The following VEPH1 variants were observed in gnomAD, a reference collection of about 807,000 sequenced individuals.
The protein encoded by VEPH1 is ventricular zone-expressed PH domain-containing protein homolog 1.
VEPH1 carries 80 observed loss-of-function variants against 85.2 expected under a neutral mutation model. That is an observed-to-expected ratio of 0.94 (90% CI 0.78 to 1.13). VEPH1 has a LOEUF of 1.13. VEPH1 is among the 50% of genes most tolerant of loss of function. The pLI is 0.00. For synonymous variants in VEPH1, 297 were observed against 348.0 expected, an observed-to-expected ratio of 0.85 and a Z score of 1.63; for missense variants, 955 against 980.5, an observed-to-expected ratio of 0.97 and a Z score of 0.35.
chr3:157,343,702 A>G (rs1723865600), intron 9 of VEPH1, among the ~76,000 whole-genome samples: 1 of 152,340 alleles, frequency 6.6e-6, no homozygotes, highest in Admixed American at 6.5e-5. Context: ...CCTGTTACCA[A>G]AGCCTGGCAG....
intron 4 of VEPH1, among the ~76,000 whole-genome samples, chr3:157,446,607 A>G (rs78468335): frequency 0.11 from 16,017 of 152,220 alleles, 1,328 homozygotes; most frequent in South Asian, 0.24. Context: ...TTTCCTGTCA[A>G]ATCTTAGATT....
chr3:157,444,159 G>C (rs1734361185), intron 4 of VEPH1, among the ~76,000 whole-genome samples: 1 of 152,178 alleles, frequency 6.6e-6, no homozygotes, highest in South Asian at 2.1e-4. Context: ...AGGGCTGATA[G>C]AAGGGCCTCA....
chr3:157,295,029 C>T (rs1717952776), intron 11 of VEPH1, among the ~76,000 whole-genome samples: 1 of 152,034 alleles, frequency 6.6e-6, no homozygotes, highest in Admixed American at 6.6e-5. Context: ...GATTTTTGTT[C>T]TCTCCTTTCA....
At position 157,369,188 on chromosome 3, in the gene VEPH1, A is replaced by ACAAAACAAAC. The variant is rs1375949823; in HGVS notation, c.1128-4677_1128-4676insGTTTGTTTTG. Reference sequence around the variant, plus strand: ...AACAACAAAAACCAAATGAAAAAAAAAAAAAAAAAAAAAAAACCTCCTGAG... The same window carrying ACAAAACAAAC: ...AACAACAAAAACCAAATGAAAAAAAACAAAACAAACAAAAAAAAAAAAAAAACCTCCTGAG... On this transcript the variant is annotated intron_variant, in intron 7 of 13. Transcript: ENST00000362010. Among the ~76,000 whole-genome samples, 4 of 143,820 alleles carry ACAAAACAAAC rather than the reference A, an allele frequency of 2.8e-5. No individual in the cohort carries two copies. The East Asian group carries it at 8.2e-4, about 30-fold the overall frequency. The allele number at this position is 143,820 out of a possible 152,430, so 94.4% of individuals were successfully genotyped here.
At chr3:157,476,689 A>G (rs147721309) in intron 2 of VEPH1, among the ~76,000 whole-genome samples, 128 of 152,360 alleles carry the variant, frequency 8.4e-4, no homozygotes, top group Non-Finnish European at 1.2e-3. Flanking sequence ...CAGGTAGAAT[A>G]CATGAGCCCA....
chr3:157,366,364 C>T (rs186750217), intron 7 of VEPH1, among the ~76,000 whole-genome samples: 2 of 151,752 alleles, frequency 1.3e-5, no homozygotes, highest in Non-Finnish European at 2.9e-5. Flanking sequence ...TCCCTAAGGG[C>T]CAAAGTGAAC....
intron 9 of VEPH1, among the ~76,000 whole-genome samples, chr3:157,327,804 T>A (rs1311187159): frequency 1.3e-5 from 2 of 152,166 alleles, no homozygotes; most frequent in Non-Finnish European, 2.9e-5. Flanking sequence ...AAGAACAGAG[T>A]ACGACTTGCC....
intron 5 of VEPH1, among the ~76,000 whole-genome samples, chr3:157,414,688 G>A (rs542034779): frequency 1.3e-5 from 2 of 152,198 alleles, no homozygotes; most frequent in South Asian, 2.1e-4. Context: ...TTATATGAAT[G>A]TAAAGGTGAA....
intron 1 of VEPH1, among the ~76,000 whole-genome samples, chr3:157,501,849 AC>A (rs1740141959): frequency 6.6e-6 from 1 of 152,192 alleles, no homozygotes; most frequent in African/African-American, 2.4e-5. Flanking sequence ...CTGCATCAAA[AC>A]ATTTTCATTT....
chr3:157,366,676 A>C (rs1352594914), intron 7 of VEPH1, among the ~76,000 whole-genome samples: 1 of 152,138 alleles, frequency 6.6e-6, no homozygotes, highest in Admixed American at 6.6e-5. Context: ...CAGAGGTTGC[A>C]GTGAGCAGAG....
chr3:157,413,798 G>T, intron 6 of VEPH1, 83 bp downstream of exon 6: 2 of 1,465,760 alleles, frequency 1.4e-6, no homozygotes, highest in Non-Finnish European at 1.8e-6. Flanking sequence ...AAATTTGCAC[G>T]TCATAATAAT....
At chr3:157,410,845 G>C (rs1386473643) in intron 6 of VEPH1, among the ~76,000 whole-genome samples, 2 of 152,092 alleles carry the variant, frequency 1.3e-5, no homozygotes, top group African/African-American at 4.8e-5. Flanking sequence ...TTTTTGAGGA[G>C]AGAAAACAGA....
At chr3:157,426,806 CTTTTTT>C (rs532205431) in intron 5 of VEPH1, among the ~76,000 whole-genome samples, 1 of 116,246 alleles carries the variant, frequency 8.6e-6, no homozygotes. Context: ...AAATCTGTTG[CTTTTTT>C]TTTTTTTTTT....
intron 2 of VEPH1, among the ~76,000 whole-genome samples, chr3:157,471,378 G>C (rs1007347625): frequency 2.6e-5 from 4 of 152,116 alleles, no homozygotes; most frequent in African/African-American, 7.2e-5. Flanking sequence ...TTATATACTA[G>C]AGCCTCCAGA....
chr3:157,301,557 G>C (rs111372704), intron 11 of VEPH1, among the ~76,000 whole-genome samples: 1 of 151,940 alleles, frequency 6.6e-6, no homozygotes, highest in Non-Finnish European at 1.5e-5. Flanking sequence ...TTCTTTACTC[G>C]TTCCTTCTTG....
chr3:157,406,121 G>C (rs1348070840), intron 6 of VEPH1, among the ~76,000 whole-genome samples: 1 of 151,916 alleles, frequency 6.6e-6, no homozygotes, highest in Non-Finnish European at 1.5e-5. Flanking sequence ...TTTTCATTTT[G>C]GAAAAAAATC....
intron 9 of VEPH1, among the ~76,000 whole-genome samples, chr3:157,361,063 T>C (rs1726000244): frequency 6.6e-6 from 1 of 152,206 alleles, no homozygotes; most frequent in South Asian, 2.1e-4. Context: ...GGGAATTCAC[T>C]TAATCTCTCT....
At chr3:157,359,242 C>A (rs73873650) in intron 9 of VEPH1, among the ~76,000 whole-genome samples, 222 of 152,270 alleles carry the variant, frequency 1.5e-3, no homozygotes, top group African/African-American at 4.9e-3. Context: ...ATTACAATAT[C>A]ATGTGTGTGT....
intron 6 of VEPH1, among the ~76,000 whole-genome samples, chr3:157,398,418 G>A (rs191387768): frequency 6.6e-4 from 101 of 152,210 alleles, no homozygotes; most frequent in African/African-American, 2.2e-3. Context: ...TGTGGATCAC[G>A]AGGTCAGGAG....
Sources: allele counts gnomAD v4.1 joint callset (sites outside exome capture counted in the v4.1 genomes callset), GRCh38; gene constraint gnomAD v4.1.1; transcripts MANE v1.5; gene names NCBI Gene and HGNC (gene_info 2026-07-23, HGNC 2026-07-21).